Variants in DEK observed in about 807,000 individuals in gnomAD.
DEK encodes the protein DEK proto-oncogene, also known as protein DEK.
A neutral mutation model predicts 46.8 loss-of-function variants in DEK; 28 were observed. The observed-to-expected ratio is 0.60, with a 90% confidence interval of 0.44 to 0.82. The LOEUF is 0.82. DEK is among the 40% of genes least tolerant of loss of function. The pLI, the probability that DEK is intolerant of heterozygous loss-of-function variation, is 0.00. For synonymous variants in DEK, 160 were observed against 144.5 expected, an observed-to-expected ratio of 1.11 and a Z score of -0.77; for missense variants, 416 against 430.6, an observed-to-expected ratio of 0.97 and a Z score of 0.30.
Position 18,255,863 on chromosome 6 carries a change from A to C in DEK, c.453-12T>G. The C allele has an allele frequency of 6.3e-7, 1 of 1,594,034 alleles. No individual in the cohort carries two copies. The highest frequency in any genetic ancestry group is 8.5e-7 in the Non-Finnish European group (1 of 1,175,592). On this transcript the variant is annotated splice_polypyrimidine_tract_variant and intron_variant, in intron 5 of 10. Transcript: ENST00000652689. ...TGGCATTTCTAAATCTGAAACAGAA[A>C]ATGGAAGAAACCAAGGTGTTAATAT... is the stretch of plus-strand genomic sequence containing the variant.
chr6:18,243,131 A>G (rs1790970259), intron 7 of DEK, among the ~76,000 whole-genome samples: 1 of 152,216 alleles, frequency 6.6e-6, no homozygotes, highest in Non-Finnish European at 1.5e-5. Flanking sequence ...GCACTAAAAA[A>G]GGTTTCTTAT....
rs1790041297 is a variant in DEK at position 18,224,941 on chromosome 6, T to C, written c.*778A>G. The C allele has an allele frequency of 4.6e-6, 1 of 215,912 alleles. No homozygotes were observed. The highest frequency in any genetic ancestry group is 5.8e-5 in the Admixed American group (1 of 17,184). 13.4% of individuals were successfully genotyped at this position (215,912 alleles called of 1,614,324 possible). A position where few individuals can be genotyped will look rare whatever the true frequency, so the allele number is the denominator to read the frequency against. On this transcript the variant is annotated 3_prime_UTR_variant, in exon 11 of 11. Coordinates refer to ENST00000652689, the MANE Select transcript of DEK (RefSeq NM_003472.4). ...CTAAAATTACAAATTGATGACACTT[T>C]CGAGGCAAAGCAGGGTAACTGTTCC...
chr6:18,245,957 T>C (rs1791095340), intron 7 of DEK, among the ~76,000 whole-genome samples: 1 of 152,254 alleles, frequency 6.6e-6, no homozygotes, highest in Non-Finnish European at 1.5e-5. Flanking sequence ...GCCCTATACA[T>C]ACCCTCTTGC....
Position 18,258,065 on chromosome 6 carries a change from G to A in DEK, c.248-3C>T. 6.4e-7 allele frequency: 1 copy of A among 1,570,740 alleles called. No individual in the cohort carries two copies. On this transcript the variant is annotated splice_polypyrimidine_tract_variant and splice_region_variant and intron_variant, in intron 3 of 10. Transcript: ENST00000652689. ...TTCACAAAGTTTCTGCCCCTTTCCTGGGGAAAAAAAAAAATCACAATTAAA... is the reference window on the plus strand; with the variant it reads ...TTCACAAAGTTTCTGCCCCTTTCCTAGGGAAAAAAAAAAATCACAATTAAA...
intron 5 of DEK, 50 bp from the exon 6 acceptor site, chr6:18,255,901 A>G (rs368106990): frequency 2.6e-6 from 4 of 1,563,256 alleles, no homozygotes; most frequent in African/African-American, 1.4e-5. Context: ...GAAAGCTTAC[A>G]TATGTTCTCC....
At chr6:18,252,597 A>G (rs372269925) in intron 6 of DEK, among the ~76,000 whole-genome samples, 120 of 152,048 alleles carry the variant, frequency 7.9e-4, no homozygotes, top group African/African-American at 2.7e-3. Context: ...TCACATATGA[A>G]AAACTGACAT....
At chr6:18,233,238 C>T (rs901076737) in intron 9 of DEK, among the ~76,000 whole-genome samples, 5 of 152,084 alleles carry the variant, frequency 3.3e-5, no homozygotes, top group Admixed American at 6.5e-5. Context: ...GACCTAAAAC[C>T]ATAAAAACCC....
intron 9 of DEK, among the ~76,000 whole-genome samples, chr6:18,232,150 G>C (rs1001036340): frequency 2.0e-5 from 3 of 152,110 alleles, no homozygotes; most frequent in African/African-American, 7.2e-5. Context: ...AAAGGCCTTC[G>C]ACAAAATTCA....
rs1260727514 is a variant in DEK, at chr6:18,225,469, CAA to C, written c.*248_*249del. The stretch of plus-strand genomic sequence containing the variant: ...CTTATATAAAGAAATCCAAAATGTA[CAA>C]AATACAACTATAAAAGCAAGGAACA... On this transcript the variant is annotated 3_prime_UTR_variant, in exon 11 of 11. Transcript: ENST00000652689. 7.0e-6 allele frequency: 3 copies of C among 428,410 alleles called. No individual in the cohort carries two copies. The highest frequency in any genetic ancestry group is 1.2e-5 in the Non-Finnish European group (3 of 241,480). 26.5% of individuals were successfully genotyped at this position (428,410 alleles called of 1,614,324 possible).
Position 18,263,836 on chromosome 6 carries a change from C to G in DEK, c.145+7G>C. 6.2e-7 allele frequency: 1 copy of G among 1,612,086 alleles called. No homozygotes were observed. The highest frequency in any genetic ancestry group is 8.5e-7 in the Non-Finnish European group (1 of 1,179,086). On this transcript the variant is annotated splice_region_variant and intron_variant, in intron 2 of 10. Transcript: ENST00000652689. ...AAATTCATCAGTTGGGATGCGACTC[C>G]CCCCACCTTTTTCCTCCTCCTCCTC...
chr6:18,232,209 G>A (rs778006935), intron 9 of DEK, among the ~76,000 whole-genome samples: 26 of 152,088 alleles, frequency 1.7e-4, no homozygotes, highest in Non-Finnish European at 2.6e-4. Flanking sequence ...GTGATGTGAC[G>A]TATCTCAAAA....
At chr6:18,230,620 A>C (rs898883673) in intron 9 of DEK, among the ~76,000 whole-genome samples, 9 of 152,244 alleles carry the variant, frequency 5.9e-5, no homozygotes, top group Non-Finnish European at 1.0e-4. Flanking sequence ...AAAGATCAAA[A>C]GAGACAAAGA....
At chr6:18,260,044 TTAAC>T in intron 2 of DEK, among the ~76,000 whole-genome samples, 1 of 152,326 alleles carries the variant, frequency 6.6e-6, no homozygotes, top group African/African-American at 2.4e-5. Context: ...GAGATTCATA[TTAAC>T]TAATATTGCC....
chr6:18,246,699 A>G (rs866839189), intron 7 of DEK, among the ~76,000 whole-genome samples: 4 of 152,356 alleles, frequency 2.6e-5, no homozygotes, highest in African/African-American at 9.6e-5. Context: ...ATAATTAGCC[A>G]AAGGAGAACT....
intron 9 of DEK, among the ~76,000 whole-genome samples, chr6:18,234,906 C>T (rs1244384063): frequency 1.3e-5 from 2 of 152,132 alleles, no homozygotes; most frequent in East Asian, 3.9e-4. Flanking sequence ...CTTGCTTTTA[C>T]CACCCTATGT....
At chr6:18,230,947 C>T (rs1790390219) in intron 9 of DEK, among the ~76,000 whole-genome samples, 2 of 152,192 alleles carry the variant, frequency 1.3e-5, no homozygotes, top group South Asian at 4.1e-4. Flanking sequence ...CTACATCGCA[C>T]TTATTCCAAA....
Position 18,237,431 on chromosome 6 carries a change from T to C in DEK, c.848A>G (p.Lys283Arg). Residue 283 changes from lysine (K) to arginine (R), a missense_variant, in exon 8 of 11, where the codon AAG becomes AGG. By Grantham distance (26) the Lys-to-Arg change is conservative. Coordinates refer to ENST00000652689, the MANE Select transcript of DEK (RefSeq NM_003472.4). ...CTTGGTGGTGCTGCTATCTGCTTTCTTAACATTGGCACTTTTCACAGATTT... is the reference window on the plus strand; with the variant it reads ...CTTGGTGGTGCTGCTATCTGCTTTCCTAACATTGGCACTTTTCACAGATTT... Reference protein sequence around the residue: ...SKKSVKSANVKKADSSTTKKN... With the variant: ...SKKSVKSANVRKADSSTTKKN... The C allele has an allele frequency of 6.2e-7, 1 of 1,611,394 alleles. No individual in the cohort carries two copies.
chr6:18,227,331 G>A (rs1015588916), intron 9 of DEK, among the ~76,000 whole-genome samples: 1 of 152,212 alleles, frequency 6.6e-6, no homozygotes, highest in Non-Finnish European at 1.5e-5. Context: ...TAGGGCTGGA[G>A]GTGGGACATG....
intron 9 of DEK, among the ~76,000 whole-genome samples, chr6:18,230,924 A>G (rs1052356262): frequency 1.3e-5 from 2 of 152,196 alleles, no homozygotes; most frequent in African/African-American, 4.8e-5. Context: ...CAGAATATAC[A>G]TTCTTCTCAG....
Sources: gnomAD v4.1 joint callset for allele counts (sites outside exome capture counted in the v4.1 genomes callset) on GRCh38, gnomAD v4.1.1 for gene constraint, MANE v1.5 for transcripts, NCBI Gene and HGNC (gene_info 2026-07-23, HGNC 2026-07-21) for gene names.